ASIC2: variants seen among roughly 807,000 people sequenced by gnomAD.
The protein encoded by ASIC2 is acid sensing ion channel subunit 2, also known as acid-sensing ion channel 2.
ASIC2 carries 25 observed loss-of-function variants against 57.3 expected under a neutral mutation model. That is an observed-to-expected ratio of 0.44 (90% CI 0.32 to 0.61). The LOEUF (loss-of-function observed/expected upper bound fraction) is 0.61, where lower values mean the gene tolerates loss of function less well. ASIC2 is among the 20% of genes least tolerant of loss of function. The pLI, the probability that ASIC2 is intolerant of heterozygous loss-of-function variation, is 0.06. For missense variants in ASIC2, 641 were observed against 738.1 expected (o/e 0.87, Z 1.52); for synonymous variants, 319 against 307.5 (o/e 1.04, Z -0.39).
rs561562012 is a variant in ASIC2, at chr17:33,670,751, C to T, written c.555+485227G>A. On this transcript the variant is annotated intron_variant, in intron 1 of 9. Coordinates refer to the ASIC2 transcript ENST00000359872. ...ATCCATCAACAACAATGGTGTTTCT[C>T]AGACTGGGTACACAGGCTCCAGGAT... 2.3e-4 allele frequency among the ~76,000 whole-genome samples: 35 copies of T among 152,366 alleles called. No individual in the cohort carries two copies. In the South Asian group the frequency reaches 7.3e-3, roughly 32 times the overall value.
intron 1 of ASIC2, among the ~76,000 whole-genome samples, chr17:33,390,708 G>T (rs1040249051): frequency 6.6e-6 from 1 of 152,226 alleles, no homozygotes; most frequent in African/African-American, 2.4e-5. Context: ...TCTCCACAGG[G>T]CAGCTCATAA....
At chr17:34,007,818 C>A (rs1209650817) in intron 1 of ASIC2, among the ~76,000 whole-genome samples, 1 of 152,232 alleles carries the variant, frequency 6.6e-6, no homozygotes, top group Admixed American at 6.5e-5. Flanking sequence ...AAAGAGCTTG[C>A]TGATTTTAGA....
At chr17:33,532,313 C>G (rs1279232845) in intron 1 of ASIC2, among the ~76,000 whole-genome samples, 1 of 152,188 alleles carries the variant, frequency 6.6e-6, no homozygotes, top group African/African-American at 2.4e-5. Flanking sequence ...CCACATGGTC[C>G]CTGCTCACAG....
intron 1 of ASIC2, among the ~76,000 whole-genome samples, chr17:33,856,790 C>A (rs530993443): frequency 6.6e-6 from 1 of 152,040 alleles, no homozygotes; most frequent in African/African-American, 2.4e-5. Context: ...GAGACCGCGA[C>A]AGGTAGTTCA....
intron 1 of ASIC2, chr17:33,565,892 G>T (rs76054414): frequency 1.3e-5 from 2 of 152,462 alleles, no homozygotes; most frequent in Non-Finnish European, 2.9e-5. Flanking sequence ...TGGGTGGAGC[G>T]CAGACTGGAG....
intron 1 of ASIC2, among the ~76,000 whole-genome samples, chr17:33,841,846 A>G (rs769542752): frequency 2.0e-4 from 31 of 152,222 alleles, no homozygotes; most frequent in Non-Finnish European, 4.4e-4. Flanking sequence ...ACCCAGAGCT[A>G]GCAAACGAGA....
chr17:33,830,886 G>A (rs2141900359), intron 1 of ASIC2, among the ~76,000 whole-genome samples: 1 of 151,946 alleles, frequency 6.6e-6, no homozygotes, highest in East Asian at 1.9e-4. Flanking sequence ...CAAAGTGGGT[G>A]GATCATCTGA....
chr17:33,419,595 G>A (rs971035162), intron 1 of ASIC2, among the ~76,000 whole-genome samples: 7 of 152,178 alleles, frequency 4.6e-5, no homozygotes, highest in African/African-American at 1.7e-4. Flanking sequence ...AATAGCTATT[G>A]AATTAAAAAC....
chr17:33,380,338 C>CATGATG (rs775529152), intron 1 of ASIC2, among the ~76,000 whole-genome samples: 2 of 149,440 alleles, frequency 1.3e-5, no homozygotes, highest in African/African-American at 2.5e-5. Context: ...TTATCATGTA[C>CATGATG]ATGATGATGA....
chr17:33,115,944 C>A (rs185185888), intron 1 of ASIC2, among the ~76,000 whole-genome samples: 1 of 152,328 alleles, frequency 6.6e-6, no homozygotes, highest in Admixed American at 6.5e-5. Context: ...GGCCTCACTT[C>A]GTTCTGGCTG....
rs148943095 is a variant in ASIC2, at chr17:33,123,534, A to C, written c.709-11467T>G. Among the ~76,000 whole-genome samples, 683 of 152,176 alleles carry C rather than the reference A, an allele frequency of 4.5e-3. 3 individuals are homozygous for C. Among genetic ancestry groups the C allele is most frequent in the Non-Finnish European group, 7.9e-3 (537 of 68,008 alleles). On this transcript the variant is annotated intron_variant, in intron 1 of 9. Transcript: ENST00000225823. ...TGCCTAATCTTGTGATTACAACCCT[A>C]TTCTTGCTTCTAACTGCTGCATGCT...
chr17:33,638,944 C>T (rs915548159), intron 1 of ASIC2, among the ~76,000 whole-genome samples: 1 of 152,058 alleles, frequency 6.6e-6, no homozygotes. Context: ...CAGGACTGCA[C>T]CCCAGTTGTC....
At chr17:34,089,347 A>C (rs1000387301) in intron 1 of ASIC2, among the ~76,000 whole-genome samples, 3 of 148,408 alleles carry the variant, frequency 2.0e-5, no homozygotes, top group African/African-American at 7.8e-5. Flanking sequence ...TCAAAAATGC[A>C]ATGCCTTGTT....
At chr17:33,225,869 C>T (rs1423386475) in intron 1 of ASIC2, among the ~76,000 whole-genome samples, 2 of 152,176 alleles carry the variant, frequency 1.3e-5, no homozygotes, top group Admixed American at 6.5e-5. Context: ...TTTCCTTAGC[C>T]CAGTCACTAA....
intron 1 of ASIC2, among the ~76,000 whole-genome samples, chr17:33,900,200 G>A (rs1915200558): frequency 1.3e-5 from 2 of 152,190 alleles, no homozygotes; most frequent in South Asian, 4.1e-4. Context: ...GCATGGGAGA[G>A]GCATGTAGCT....
intron 1 of ASIC2, among the ~76,000 whole-genome samples, chr17:33,308,001 C>A (rs1328412836): frequency 6.6e-6 from 1 of 152,166 alleles, no homozygotes; most frequent in Admixed American, 6.5e-5. Context: ...CATCTCAGTG[C>A]CATAGGTTCT....
chr17:33,464,559 TTTCTTTTCTCTC>T (rs1468507634), intron 1 of ASIC2, among the ~76,000 whole-genome samples: 39 of 118,254 alleles, frequency 3.3e-4, no homozygotes, highest in African/African-American at 1.2e-3. Context: ...TCTTTCTTTC[TTTCTTTTCTCTC>T]TTTCTCTCTT....
chr17:33,753,159 A>G (rs982179271), intron 1 of ASIC2, among the ~76,000 whole-genome samples: 1 of 152,252 alleles, frequency 6.6e-6, no homozygotes, highest in African/African-American at 2.4e-5. Context: ...ATAGAAAGAC[A>G]TGGAGAATCC....
At chr17:33,546,684 T>C (rs1915588548) in intron 1 of ASIC2, among the ~76,000 whole-genome samples, 1 of 152,126 alleles carries the variant, frequency 6.6e-6, no homozygotes, top group Non-Finnish European at 1.5e-5. Context: ...TGAGTCCTCA[T>C]GGGTAGGGCA....
Sources: gnomAD v4.1 joint callset for allele counts (sites outside exome capture counted in the v4.1 genomes callset) on GRCh38, gnomAD v4.1.1 for gene constraint, MANE v1.5 for transcripts, NCBI Gene and HGNC (gene_info 2026-07-23, HGNC 2026-07-21) for gene names.